Variants in LEPR observed in about 807,000 individuals in gnomAD.
LEPR encodes the protein OB receptor.
In LEPR, 56 loss-of-function variants were observed where a neutral mutation model predicts 114.7. The ratio of observed to expected loss-of-function variants is 0.49; its 90% CI spans 0.39 to 0.61. The LOEUF is 0.61. Among genes scored for constraint, LEPR ranks in the 20% least tolerant of loss-of-function variants. The probability of loss-of-function intolerance (pLI) is 0.00; values close to 1 mark genes in which losing one functional copy is unlikely to be tolerated. For missense variants in LEPR, 1,202 were observed against 1,352.9 expected (o/e 0.89, Z 1.75); for synonymous variants, 443 against 461.4 (o/e 0.96, Z 0.51).
chr1:65,566,226 C>T (rs371217069), intron 3 of LEPR, among the ~76,000 whole-genome samples: 19 of 115,076 alleles, frequency 1.7e-4, no homozygotes, highest in African/African-American at 3.4e-4. Context: ...TTTTTTGAGA[C>T]GCAGTCTTGC....
chr1:65,478,594 A>C (rs184591854), intron 2 of LEPR, among the ~76,000 whole-genome samples: 43 of 152,356 alleles, frequency 2.8e-4, no homozygotes, highest in African/African-American at 1.0e-3. Context: ...CCTGAAGTTT[A>C]AGTTGAAAGG....
chr1:65,616,097 G>A lies in LEPR; in HGVS notation c.2085G>A (p.Val695=), dbSNP rs1310289527. Residue 695 remains valine, a synonymous_variant, in exon 15 of 20, where the codon GTG becomes GTA. Transcript: ENST00000349533. The part of the protein sequence containing the change: ...TSCNGTWSED[V]GNHTKFTFLW... ...GCAATGGAACATGGTCAGAAGATGT[G>A]GGAAATCACACGAAATTCACTTTCC... 21 of 1,614,024 alleles carry A rather than the reference G, an allele frequency of 1.3e-5. No individual in the cohort carries two copies. Among genetic ancestry groups the A allele is most frequent in the Non-Finnish European group, 1.6e-5 (19 of 1,180,022 alleles).
At chr1:65,438,213 A>T (rs1236839343) in intron 2 of LEPR, among the ~76,000 whole-genome samples, 1 of 150,706 alleles carries the variant, frequency 6.6e-6, no homozygotes, top group Non-Finnish European at 1.5e-5. Flanking sequence ...GATTTAGGAA[A>T]TGAAGTTGTG....
rs1658774717 is a variant in LEPR at position 65,638,243 on chromosome 1, TAAGTAG to T, written c.*1234_*1239del. The stretch of plus-strand genomic sequence containing the variant: ...AAAAAATAAAGATTATAAAATGTAT[TAAGTAG>T]AAGTATAATGCTGGATGAGAAATTA... On this transcript the variant is annotated 3_prime_UTR_variant, in exon 20 of 20. Transcript: ENST00000349533. 1 of 152,192 alleles carries T rather than the reference TAAGTAG, an allele frequency of 6.6e-6. No homozygotes were observed. Among genetic ancestry groups the T allele is most frequent in the East Asian group, 1.9e-4 (1 of 5,200 alleles). The allele number at this position is 152,192 out of a possible 1,614,324, so 9.4% of individuals were successfully genotyped here. A position where few individuals can be genotyped will look rare whatever the true frequency, so the allele number is the denominator to read the frequency against.
At chr1:65,431,032 G>C (rs1338652473) in intron 2 of LEPR, among the ~76,000 whole-genome samples, 2 of 152,174 alleles carry the variant, frequency 1.3e-5, no homozygotes, top group Non-Finnish European at 2.9e-5. Flanking sequence ...TGAGGTTAAG[G>C]CTGGAAGGGT....
chr1:65,436,012 G>T (rs1442863276), intron 2 of LEPR: 1 of 983,222 alleles, frequency 1.0e-6, no homozygotes, highest in African/African-American at 1.7e-5. Flanking sequence ...TTTTAACAAA[G>T]GCTTTTATGT....
intron 2 of LEPR, chr1:65,436,068 C>G: frequency 1.0e-6 from 1 of 984,666 alleles, no homozygotes; most frequent in South Asian, 4.7e-5. Flanking sequence ...CGGTACGTTA[C>G]ATTTGGAAAG....
At chr1:65,583,874 A>T (rs1655153349) in intron 5 of LEPR, among the ~76,000 whole-genome samples, 1 of 152,190 alleles carries the variant, frequency 6.6e-6, no homozygotes, top group Non-Finnish European at 1.5e-5. Context: ...GTAAAGGAAA[A>T]TATGAATATA....
intron 19 of LEPR, among the ~76,000 whole-genome samples, chr1:65,629,067 G>A (rs1658380879): frequency 6.6e-6 from 1 of 152,032 alleles, no homozygotes; most frequent in South Asian, 2.1e-4. Context: ...TGGCTACAAC[G>A]AGGATTTACT....
chr1:65,421,310 TTC>T (rs1281343445), intron 1 of LEPR: 1 of 1,513,268 alleles, frequency 6.6e-7, no homozygotes, highest in Non-Finnish European at 8.8e-7. Context: ...CTTCGGTGTT[TTC>T]TCTGTTTATG....
At chr1:65,564,544 G>C (rs1253447477) in intron 2 of LEPR, among the ~76,000 whole-genome samples, 1 of 91,908 alleles carries the variant, frequency 1.1e-5, no homozygotes, top group East Asian at 2.2e-4. Flanking sequence ...CTGTAGACCG[G>C]AGCTGTTCCT....
chr1:65,591,327 G>A (rs953763705), intron 5 of LEPR, among the ~76,000 whole-genome samples: 7 of 152,046 alleles, frequency 4.6e-5, no homozygotes, highest in African/African-American at 1.7e-4. Context: ...TGTCTATTAG[G>A]TCAAGTCAGT....
At chr1:65,548,418 T>C (rs962889062) in intron 2 of LEPR, among the ~76,000 whole-genome samples, 1 of 152,162 alleles carries the variant, frequency 6.6e-6, no homozygotes, top group Non-Finnish European at 1.5e-5. Context: ...TGTTAAAGTC[T>C]CCCATTATTA....
intron 2 of LEPR, among the ~76,000 whole-genome samples, chr1:65,436,915 A>G (rs562674034): frequency 1.3e-5 from 2 of 152,282 alleles, no homozygotes; most frequent in East Asian, 3.9e-4. Context: ...CTGCCTCAAC[A>G]CTTTCATTTC....
chr1:65,465,940 C>T (rs1364776598), intron 2 of LEPR, among the ~76,000 whole-genome samples: 3 of 152,130 alleles, frequency 2.0e-5, no homozygotes, highest in African/African-American at 4.8e-5. Flanking sequence ...AGATAGGTCT[C>T]CTGAATACAG....
chr1:65,602,034 C>T (rs1656474591), intron 10 of LEPR, 74 bp downstream of exon 10: 5 of 1,234,050 alleles, frequency 4.1e-6, no homozygotes, highest in Non-Finnish European at 6.0e-6. Flanking sequence ...AATATTACAA[C>T]AGTAGTCTTA....
rs1280198781 is a variant in LEPR at position 65,531,894 on chromosome 1, A to G, written c.-20-33652A>G. 2.0e-5 allele frequency among the ~76,000 whole-genome samples: 3 copies of G among 152,182 alleles called. No homozygotes were observed. In the East Asian group the frequency reaches 5.8e-4, roughly 29 times the overall value. ...AGTATACGAAGTTTCTTTAGAGCGT[A>G]AAACCAATAGACAAATTACGGGCTA... is the stretch of plus-strand genomic sequence containing the variant. On this transcript the variant is annotated intron_variant, in intron 2 of 19. Coordinates refer to ENST00000349533, the MANE Select transcript of LEPR (RefSeq NM_002303.6).
At chr1:65,492,697 A>G (rs896428505) in intron 2 of LEPR, among the ~76,000 whole-genome samples, 45 of 152,040 alleles carry the variant, frequency 3.0e-4, no homozygotes, top group African/African-American at 9.4e-4. Flanking sequence ...AGATAAATGC[A>G]TGTGTTAGGT....
Position 65,633,755 on chromosome 1 carries a change from C to G in LEPR, c.2674-2436C>G, listed in dbSNP as rs3206172. On this transcript the variant is annotated intron_variant, in intron 19 of 19. Coordinates refer to ENST00000349533, the MANE Select transcript of LEPR (RefSeq NM_002303.6). The surrounding 1 kb of genome is among the most constrained non-coding windows in gnomAD (Gnocchi z 4.1). ...TGGCATTTTTGTATCTAACTTTGTTCAATCTGGGAATTTCAGTTTTCAATA... is the reference window on the plus strand; with the variant it reads ...TGGCATTTTTGTATCTAACTTTGTTGAATCTGGGAATTTCAGTTTTCAATA... 195,199 of 984,800 alleles carry G rather than the reference C, an allele frequency of 0.2. 20,126 individuals carry two copies. Among genetic ancestry groups the G allele is most frequent in the South Asian group, 0.35 (7,384 of 21,272 alleles). The allele number at this position is 984,800 out of a possible 1,614,324, so 61.0% of individuals were successfully genotyped here.
Sources: allele counts gnomAD v4.1 joint callset (sites outside exome capture counted in the v4.1 genomes callset), GRCh38; gene constraint gnomAD v4.1.1; non-coding constraint Gnocchi (gnomAD v3.1); transcripts MANE v1.5; gene names NCBI Gene and HGNC (gene_info 2026-07-23, HGNC 2026-07-21).